BCAR3: variants seen among roughly 807,000 people sequenced by gnomAD.
The protein encoded by BCAR3 is breast cancer anti-estrogen resistance protein 3.
Under a neutral mutation model 80.1 loss-of-function variants are expected in BCAR3, and 37 were observed. That is an observed-to-expected ratio of 0.46 (90% CI 0.36 to 0.61). BCAR3 has a LOEUF of 0.61. Ranked by LOEUF, BCAR3 falls within the 20% of genes least tolerant of loss-of-function variation. BCAR3 has a pLI of 0.00. For synonymous variants in BCAR3, 389 were observed against 418.9 expected, an observed-to-expected ratio of 0.93 and a Z score of 0.87; for missense variants, 978 against 1,068.2, an observed-to-expected ratio of 0.92 and a Z score of 1.18.
chr1:93,749,481 C>T (rs1305080258), intron 2 of BCAR3, among the ~76,000 whole-genome samples: 8 of 150,334 alleles, frequency 5.3e-5, no homozygotes, highest in African/African-American at 1.7e-4. Context: ...CCCAGCTACT[C>T]GGGAGGCTGA....
At chr1:93,821,304 A>G (rs1231442178) in intron 2 of BCAR3, among the ~76,000 whole-genome samples, 1 of 152,134 alleles carries the variant, frequency 6.6e-6, no homozygotes, top group East Asian at 1.9e-4. Flanking sequence ...CCAGGAGCAA[A>G]GCCTCCTCTG....
Position 93,656,237 on chromosome 1 carries a change from G to C in BCAR3, c.318-13894C>G, listed in dbSNP as rs572227326. On this transcript the variant is annotated intron_variant, in intron 2 of 11. Transcript: ENST00000260502. Reference sequence around the variant, plus strand: ...CATTTCTCATTATTATTTAAAATTTGACCATTGCTTTTTCCTTTCTCTCAA... The same window carrying C: ...CATTTCTCATTATTATTTAAAATTTCACCATTGCTTTTTCCTTTCTCTCAA... Among the ~76,000 whole-genome samples, 3 of 152,140 alleles carry C rather than the reference G, an allele frequency of 2.0e-5. No individual in the cohort carries two copies. In the South Asian group the frequency reaches 6.2e-4, roughly 32 times the overall value.
chr1:93,688,425 T>TC (rs1433051350), intron 3 of BCAR3, among the ~76,000 whole-genome samples: 5 of 152,154 alleles, frequency 3.3e-5, no homozygotes, highest in Admixed American at 3.3e-4. Context: ...CTTTTTTTTT[T>TC]CACTAATTAT....
intron 3 of BCAR3, among the ~76,000 whole-genome samples, chr1:93,594,031 A>G (rs551597774): frequency 9.9e-5 from 15 of 152,182 alleles, no homozygotes; most frequent in Non-Finnish European, 1.8e-4. Flanking sequence ...CCCATCATTA[A>G]TATTGTACGG....
intron 3 of BCAR3, among the ~76,000 whole-genome samples, chr1:93,625,036 C>A (rs377542971): frequency 1.3e-5 from 2 of 152,266 alleles, no homozygotes; most frequent in East Asian, 3.9e-4. Context: ...TGGTGAAACC[C>A]CACCTCTACT....
At position 93,724,698 on chromosome 1, in the gene BCAR3, G is replaced by A. The variant is rs540635179; in HGVS notation, c.-62-18556C>T. 1.2e-4 allele frequency among the ~76,000 whole-genome samples: 18 copies of A among 152,260 alleles called. 1 individual carries two copies. In the South Asian group the frequency reaches 3.5e-3, roughly 30 times the overall value. The stretch of plus-strand genomic sequence containing the variant: ...CCATCTAGTGGGCCTTGGAGAGGTG[G>A]GCCCCTTCTCTGGATGGGCCACAGG... On this transcript the variant is annotated intron_variant, in intron 2 of 13. Transcript: ENST00000370244.
intron 2 of BCAR3, among the ~76,000 whole-genome samples, chr1:93,665,723 C>T (rs1486862443): frequency 6.6e-6 from 1 of 152,208 alleles, no homozygotes; most frequent in Non-Finnish European, 1.5e-5. Flanking sequence ...TCCACTTAGA[C>T]ATGCATGCAT....
chr1:93,830,066 T>G (rs1004734224), intron 2 of BCAR3, among the ~76,000 whole-genome samples: 1 of 152,204 alleles, frequency 6.6e-6, no homozygotes, highest in Non-Finnish European at 1.5e-5. Context: ...CCACCATATT[T>G]GTAAGTTTCC....
At position 93,592,518 on chromosome 1, in the gene BCAR3, C is replaced by T. The variant is rs1674256189; in HGVS notation, c.358-125G>A. 1.5e-6 allele frequency: 2 copies of T among 1,299,498 alleles called. No homozygotes were observed. The highest frequency in any genetic ancestry group is 2.1e-6 in the Non-Finnish European group (2 of 963,462). The allele number at this position is 1,299,498 out of a possible 1,614,324, so 80.5% of individuals were successfully genotyped here. ...TACAGCCTGCATTCAGGTAGGGGAGCCTGGATAATGATTACAAAGAGCTGT... is the reference window on the plus strand; with the variant it reads ...TACAGCCTGCATTCAGGTAGGGGAGTCTGGATAATGATTACAAAGAGCTGT... On this transcript the variant is annotated intron_variant, in intron 3 of 11. Coordinates refer to ENST00000260502, the MANE Select transcript of BCAR3 (RefSeq NM_003567.4). This position sits in a 1 kb window ranked among gnomAD's most constrained non-coding sequence, Gnocchi z 4.8.
intron 3 of BCAR3, among the ~76,000 whole-genome samples, chr1:93,615,407 T>C (rs1223838540): frequency 1.3e-5 from 2 of 152,132 alleles, no homozygotes; most frequent in African/African-American, 4.8e-5. Flanking sequence ...AACATGGGGA[T>C]GGAGCTGCTA....
chr1:93,599,173 G>A (rs539686790), intron 3 of BCAR3: 43 of 152,238 alleles, frequency 2.8e-4, no homozygotes, highest in African/African-American at 7.7e-4. Flanking sequence ...GGAACTGAGC[G>A]AAGAAGATAC....
At chr1:93,755,310 T>C (rs961169697) in intron 2 of BCAR3, among the ~76,000 whole-genome samples, 2 of 152,208 alleles carry the variant, frequency 1.3e-5, no homozygotes, top group Non-Finnish European at 2.9e-5. Context: ...ACAGTGTTTA[T>C]AAAGTCCTCA....
At chr1:93,577,861 C>G (rs537633346) in intron 7 of BCAR3, among the ~76,000 whole-genome samples, 142 of 152,316 alleles carry the variant, frequency 9.3e-4, no homozygotes, top group Admixed American at 3.2e-3. Flanking sequence ...GCGGCCCCTG[C>G]TCTCCAGTCT....
chr1:93,770,616 C>G (rs974212459), intron 2 of BCAR3, among the ~76,000 whole-genome samples: 6 of 152,088 alleles, frequency 3.9e-5, no homozygotes, highest in Non-Finnish European at 5.9e-5. Flanking sequence ...CATGAACATA[C>G]AGAGGGGGTG....
chr1:93,837,721 T>G (rs1007343886), intron 2 of BCAR3, among the ~76,000 whole-genome samples: 1 of 152,168 alleles, frequency 6.6e-6, no homozygotes, highest in Admixed American at 6.5e-5. Flanking sequence ...TGTAAACATT[T>G]CTTTGTTTTC....
At chr1:93,645,002 G>C (rs1186509490) in intron 2 of BCAR3, among the ~76,000 whole-genome samples, 1 of 152,150 alleles carries the variant, frequency 6.6e-6, no homozygotes, top group Non-Finnish European at 1.5e-5. Context: ...GTGCATATTT[G>C]CGTGAGAAAC....
At chr1:93,701,344 T>G (rs1287075953) in intron 3 of BCAR3, among the ~76,000 whole-genome samples, 1 of 152,044 alleles carries the variant, frequency 6.6e-6, no homozygotes, top group Non-Finnish European at 1.5e-5. Context: ...AAACGTGCCT[T>G]CGAGAGGGGC....
chr1:93,578,897 C>T (rs1673579437), intron 7 of BCAR3, among the ~76,000 whole-genome samples: 1 of 152,224 alleles, frequency 6.6e-6, no homozygotes, highest in Non-Finnish European at 1.5e-5. Context: ...TCATTTAGTC[C>T]TCGCTGACCA....
intron 3 of BCAR3, among the ~76,000 whole-genome samples, chr1:93,699,300 A>G (rs528199181): frequency 3.9e-5 from 6 of 152,184 alleles, no homozygotes; most frequent in Non-Finnish European, 8.8e-5. Context: ...GAAACCCAAA[A>G]TAGTGAAAAC....
Sources: allele counts gnomAD v4.1 joint callset (sites outside exome capture counted in the v4.1 genomes callset), GRCh38; gene constraint gnomAD v4.1.1; non-coding constraint Gnocchi (gnomAD v3.1); transcripts MANE v1.5; gene names NCBI Gene and HGNC (gene_info 2026-07-23, HGNC 2026-07-21).